EIF4G3: variants seen among roughly 807,000 people sequenced by gnomAD.
The protein encoded by EIF4G3 is eukaryotic translation initiation factor 4 gamma 3.
A neutral mutation model predicts 186.4 loss-of-function variants in EIF4G3; 34 were observed. The observed-to-expected ratio is 0.18, with a 90% CI of 0.14 to 0.24. The LOEUF is 0.24. Ranked by LOEUF, EIF4G3 falls within the 10% of genes least tolerant of loss-of-function variation. EIF4G3 has a pLI of 1.00. For synonymous variants in EIF4G3, 673 were observed against 679.5 expected (o/e 0.99, Z 0.15); for missense variants, 1,536 against 1,948.5 (o/e 0.79, Z 3.99).
intron 33 of EIF4G3, among the ~76,000 whole-genome samples, 155 bp downstream of exon 33, chr1:20,824,945 A>G (rs1256525161): frequency 6.6e-6 from 1 of 152,128 alleles, no homozygotes; most frequent in Non-Finnish European, 1.5e-5. Flanking sequence ...ACACAGTTGG[A>G]GTGGCTTTAA....
intron 14 of EIF4G3, among the ~76,000 whole-genome samples, chr1:20,906,066 A>C (rs2091995437): frequency 6.6e-6 from 1 of 152,210 alleles, no homozygotes; most frequent in Non-Finnish European, 1.5e-5. Context: ...GTACCATCTT[A>C]AAAAATACTC....
chr1:21,145,523 C>T (rs1040183201), intron 2 of EIF4G3, among the ~76,000 whole-genome samples: 8 of 152,004 alleles, frequency 5.3e-5, no homozygotes, highest in African/African-American at 1.9e-4. Flanking sequence ...ACTCAGGCCC[C>T]TGACTCAGTG....
intron 2 of EIF4G3, among the ~76,000 whole-genome samples, chr1:21,174,558 G>C (rs1215546448): frequency 2.0e-5 from 3 of 152,126 alleles, no homozygotes; most frequent in East Asian, 1.9e-4. Flanking sequence ...ACCGAGTATA[G>C]GCAATCAAGG....
At chr1:21,053,570 G>T (rs1288676978) in intron 3 of EIF4G3, among the ~76,000 whole-genome samples, 1 of 145,254 alleles carries the variant, frequency 6.9e-6, no homozygotes, top group Non-Finnish European at 1.5e-5. Context: ...CGCCCGGCCA[G>T]CCGCCCTGTC....
intron 2 of EIF4G3, among the ~76,000 whole-genome samples, chr1:21,113,203 A>G (rs953510641): frequency 6.7e-6 from 1 of 148,916 alleles, no homozygotes; most frequent in African/African-American, 2.5e-5. Context: ...TAATGCAGGG[A>G]GAAGAGTAGC....
intron 2 of EIF4G3, among the ~76,000 whole-genome samples, chr1:21,134,581 A>C (rs1444471237): frequency 2.0e-5 from 3 of 152,174 alleles, no homozygotes; most frequent in Non-Finnish European, 4.4e-5. Flanking sequence ...ATTCATGAGA[A>C]TCACTTGAGC....
At chr1:21,131,069 A>G (rs2097143063) in intron 2 of EIF4G3, among the ~76,000 whole-genome samples, 1 of 151,714 alleles carries the variant, frequency 6.6e-6, no homozygotes. Context: ...GCAAAACCCC[A>G]TTTCTACTAA....
chr1:20,884,458 C>T (rs956572770), intron 19 of EIF4G3, among the ~76,000 whole-genome samples: 9 of 152,160 alleles, frequency 5.9e-5, no homozygotes, highest in African/African-American at 1.9e-4. Flanking sequence ...ATCCAAGTGC[C>T]TTAAATACAT....
At chr1:20,954,543 A>AAAAAAAAAAAAAAAAAAAAAAAAAAC (rs2096345810) in intron 12 of EIF4G3, among the ~76,000 whole-genome samples, 1 of 149,314 alleles carries the variant, frequency 6.7e-6, no homozygotes, top group Non-Finnish European at 1.5e-5. Flanking sequence ...TCAAAAAAAA[A>AAAAAAAAAAAAAAAAAAAAAAAAAAC]AAAAAAAAAA....
At chr1:21,021,211 T>C (rs2090592021) in intron 4 of EIF4G3, among the ~76,000 whole-genome samples, 1 of 152,216 alleles carries the variant, frequency 6.6e-6, no homozygotes, top group Admixed American at 6.5e-5. Context: ...CTCAAACTCC[T>C]GGCCTCAAGT....
chr1:21,027,581 G>A (rs1027700280), intron 4 of EIF4G3, among the ~76,000 whole-genome samples: 3 of 151,878 alleles, frequency 2.0e-5, no homozygotes, highest in African/African-American at 7.3e-5. Flanking sequence ...AGTGAGCCGA[G>A]ATCGCCCCAC....
chr1:20,869,262 G>A (rs1378208370), intron 20 of EIF4G3, among the ~76,000 whole-genome samples: 2 of 150,866 alleles, frequency 1.3e-5, no homozygotes, highest in African/African-American at 4.9e-5. Context: ...GCACCTCTGT[G>A]CTAACTCTAA....
Position 20,810,311 on chromosome 1 carries a change from C to T in EIF4G3, c.4744+427G>A, listed in dbSNP as rs1223743316. Among the ~76,000 whole-genome samples the T allele has an allele frequency of 6.6e-6, 1 of 152,108 alleles. No homozygotes were observed. Among genetic ancestry groups the T allele is most frequent in the Non-Finnish European group, 1.5e-5 (1 of 68,008 alleles). On this transcript the variant is annotated intron_variant, in intron 36 of 36. Transcript: ENST00000602326. The surrounding 1 kb of genome is among the most constrained non-coding windows in gnomAD (Gnocchi z 4.1). ...CTGGGATTACAGGTGCCCGCCACCA[C>T]ACCCAGCTAATTTTTTGTATTTTTA...
intron 3 of EIF4G3, among the ~76,000 whole-genome samples, chr1:21,078,855 T>G (rs2095671266): frequency 6.6e-6 from 1 of 151,990 alleles, no homozygotes; most frequent in Non-Finnish European, 1.5e-5. Context: ...TATAGTGGCG[T>G]GCACCGGTAG....
Position 20,989,982 on chromosome 1 carries a change from C to T in EIF4G3, c.178-7574G>A, listed in dbSNP as rs145242117. On this transcript the variant is annotated intron_variant, in intron 7 of 36. Transcript: ENST00000602326. ...ACCTGAGGTCAGGAGTTTAAGACCA[C>T]TCTGGCCAATATGGTGAAACCTCAG... Among the ~76,000 whole-genome samples the T allele has an allele frequency of 2.0e-5, 3 of 152,084 alleles. No individual in the cohort carries two copies. The East Asian group carries it at 5.8e-4, about 29-fold the overall frequency.
chr1:20,982,379 G>T lies in EIF4G3; in HGVS notation c.198+9C>A. ...ATAAAGAGGCCATGCAGAACCAGTA[G>T]TTTGTTACCTGGATAGGTCTGAATC... On this transcript the variant is annotated intron_variant, in intron 8 of 36. Transcript: ENST00000602326. 1 of 1,523,204 alleles carries T rather than the reference G, an allele frequency of 6.6e-7. No individual in the cohort carries two copies. The allele number at this position is 1,523,204 out of a possible 1,614,324, so 94.4% of individuals were successfully genotyped here. A position where few individuals can be genotyped will look rare whatever the true frequency, so the allele number is the denominator to read the frequency against.
intron 4 of EIF4G3, among the ~76,000 whole-genome samples, chr1:21,043,870 C>A (rs6426661): frequency 0.94 from 131,882 of 140,948 alleles, 61,876 homozygotes; most frequent in South Asian, 0.99. Flanking sequence ...AACCTTGGCG[C>A]AAAAAAAAAA....
At chr1:21,143,849 G>C (rs1056180093) in intron 2 of EIF4G3, among the ~76,000 whole-genome samples, 5 of 152,114 alleles carry the variant, frequency 3.3e-5, no homozygotes, top group African/African-American at 1.2e-4. Flanking sequence ...TTGAACCCAG[G>C]AGGTGGAGGC....
At chr1:21,062,710 C>T (rs2094986939) in intron 3 of EIF4G3, among the ~76,000 whole-genome samples, 1 of 152,198 alleles carries the variant, frequency 6.6e-6, no homozygotes, top group Admixed American at 6.5e-5. Flanking sequence ...CTGCCTCAGC[C>T]TCCCAAGTAG....
Sources: allele counts gnomAD v4.1 joint callset (sites outside exome capture counted in the v4.1 genomes callset), GRCh38; gene constraint gnomAD v4.1.1; non-coding constraint Gnocchi (gnomAD v3.1); transcripts MANE v1.5; gene names NCBI Gene and HGNC (gene_info 2026-07-23, HGNC 2026-07-21).